The following GGT1 variants were observed in gnomAD, a reference collection of about 807,000 sequenced individuals.
GGT1 encodes glutathione hydrolase 1 proenzyme.
GGT1 carries 21 observed loss-of-function variants against 56.0 expected under a neutral mutation model. The ratio of observed to expected loss-of-function variants is 0.38; its 90% confidence interval spans 0.27 to 0.54. GGT1 has a LOEUF of 0.54. GGT1 is among the 20% of genes least tolerant of loss of function. The pLI is 0.82. For synonymous variants in GGT1, 238 were observed against 342.6 expected, an observed-to-expected ratio of 0.69 and a Z score of 3.37; for missense variants, 466 against 787.0, an observed-to-expected ratio of 0.59 and a Z score of 4.88.
intron 12 of GGT1, 32 bp from the exon 13 acceptor site, chr22:24,627,820 G>A (rs773943432): frequency 1.9e-5 from 31 of 1,601,204 alleles, no homozygotes; most frequent in Non-Finnish European, 2.4e-5. Context: ...GCCAGGCAAG[G>A]TCGGGCACTG....
intron 7 of GGT1, among the ~76,000 whole-genome samples, chr22:24,618,674 G>A (rs959324620): frequency 4.6e-5 from 7 of 152,218 alleles, no homozygotes; most frequent in African/African-American, 1.7e-4. Flanking sequence ...TGTGCTGGGT[G>A]TCAGACCTTC....
rs201478431 is a variant in GGT1 at position 24,612,236 on chromosome 22, G to A, written c.164+991G>A. On this transcript the variant is annotated intron_variant, in intron 5 of 15. Coordinates refer to ENST00000400382, the MANE Select transcript of GGT1 (RefSeq NM_001288833.2). Reference sequence around the variant, plus strand: ...ATTACAGGTGTGAGCCACCACGCCCGGCTTATTCTTTTTTTTTTTTTTTTT... The same window carrying A: ...ATTACAGGTGTGAGCCACCACGCCCAGCTTATTCTTTTTTTTTTTTTTTTT... 3.1e-4 allele frequency among the ~76,000 whole-genome samples: 45 copies of A among 145,546 alleles called. 1 individual carries two copies. In the East Asian group the frequency reaches 7.1e-3, roughly 23 times the overall value.
At chr22:24,588,551 A>T in the GGT1 span, 1 of 762,642 alleles carries the variant, frequency 1.3e-6, no homozygotes. Flanking sequence ...AGGCTGGTCC[A>T]GTCCCGCAGT....
At chr22:24,605,986 ATATTTATATAATT>A (rs2046269036) in intron 1 of GGT1, among the ~76,000 whole-genome samples, 1 of 64,074 alleles carries the variant, frequency 1.6e-5, no homozygotes, top group Non-Finnish European at 2.8e-5. Context: ...ATCATATATT[ATATTTATATAATT>A]TATATAATAT....
rs988155681 is a variant in GGT1 at position 24,628,638 on chromosome 22, G to A, written c.1564-55G>A. On this transcript the variant is annotated intron_variant, in intron 15 of 15. Transcript: ENST00000400382. The surrounding 1 kb of genome is among the most constrained non-coding windows in gnomAD (Gnocchi z 5.7). ...CTGAGGCCTGTGACCACACAGATGT[G>A]GTTCAGGTGGCATCTGGAGCCCTGC... 6.2e-7 allele frequency: 1 copy of A among 1,610,878 alleles called. No individual in the cohort carries two copies. Among genetic ancestry groups the A allele is most frequent in the Non-Finnish European group, 8.5e-7 (1 of 1,179,876 alleles).
At chr22:24,586,608 G>A in the GGT1 span, among the ~76,000 whole-genome samples, 1 of 152,330 alleles carries the variant, frequency 6.6e-6, no homozygotes, top group South Asian at 2.1e-4. Flanking sequence ...CTCGGCTTAC[G>A]GCAACCTCTG....
At position 24,620,904 on chromosome 22, in the gene GGT1, C is replaced by T; in HGVS notation, c.576-9C>T. Reference sequence around the variant, plus strand: ...ACCTGCTGCCTCACATGAGCCCCCTCTGCCCCAGTGAGGTGTTCTGCCGGG... The same window carrying T: ...ACCTGCTGCCTCACATGAGCCCCCTTTGCCCCAGTGAGGTGTTCTGCCGGG... On this transcript the variant is annotated splice_polypyrimidine_tract_variant and intron_variant, in intron 8 of 15. Transcript: ENST00000400382. The surrounding 1 kb of genome is among the most constrained non-coding windows in gnomAD (Gnocchi z 5.6). 1.2e-6 allele frequency: 2 copies of T among 1,611,728 alleles called. No individual in the cohort carries two copies. The highest frequency in any genetic ancestry group is 1.7e-6 in the Non-Finnish European group (2 of 1,179,724).
At chr22:24,593,959 G>A (rs1436474217), upstream of GGT1, among the ~76,000 whole-genome samples, 2 of 152,230 alleles carry the variant, frequency 1.3e-5, no homozygotes, top group Non-Finnish European at 2.9e-5. Flanking sequence ...CGGACGAAGA[G>A]TCAGGTTAAC....
At chr22:24,588,174 G>A in the GGT1 span, 1 of 1,482,870 alleles carries the variant, frequency 6.7e-7, no homozygotes, top group South Asian at 1.2e-5. Flanking sequence ...AGGGACCTTG[G>A]AGCAGCAGTG....
chr22:24,585,886 T>C, the GGT1 span: 7 of 1,577,138 alleles, frequency 4.4e-6, no homozygotes, highest in Non-Finnish European at 6.0e-6. Context: ...GGGTGGTGGG[T>C]CACCTGGCAC....
In GGT1 at chr22:24,605,124, TGTAATATATTATATAATATATA is replaced by T. The variant is rs2045983703; in HGVS notation, c.-429+1598_-429+1619del. 4.6e-5 allele frequency among the ~76,000 whole-genome samples: 4 copies of T among 87,514 alleles called. 1 individual carries two copies. The highest frequency in any genetic ancestry group is 1.9e-4 in the Admixed American group (1 of 5,148). 57.4% of individuals were successfully genotyped at this position (87,514 alleles called of 152,430 possible). A position where few individuals can be genotyped will look rare whatever the true frequency, so the allele number is the denominator to read the frequency against. On this transcript the variant is annotated intron_variant, in intron 1 of 15. Coordinates refer to ENST00000400382, the MANE Select transcript of GGT1 (RefSeq NM_001288833.2). ...GTATTATATTATATATTATATAATA[TGTAATATATTATATAATATATA>T]ATATGTATTATATTATATATTATAT...
chr22:24,594,177 T>TGCTGCAG (rs1487207627), upstream of GGT1, among the ~76,000 whole-genome samples: 1 of 152,194 alleles, frequency 6.6e-6, no homozygotes, highest in African/African-American at 2.4e-5. Flanking sequence ...CCTAGGTCTC[T>TGCTGCAG]GCTGCAGGCC....
At chr22:24,605,850 A>ATAT (rs1381983949) in intron 1 of GGT1, among the ~76,000 whole-genome samples, 1 of 46,384 alleles carries the variant, frequency 2.2e-5, no homozygotes, top group Non-Finnish European at 3.3e-5. Flanking sequence ...ATATTATATA[A>ATAT]TATATGATGT....
intron 7 of GGT1, among the ~76,000 whole-genome samples, chr22:24,619,725 C>T (rs2047293315): frequency 1.3e-5 from 2 of 151,928 alleles, no homozygotes; most frequent in South Asian, 4.2e-4. Context: ...TTGAAGGTGG[C>T]CTGTGCTTGA....
At chr22:24,597,699 A>G (rs994578153) in intron 1 of GGT1, among the ~76,000 whole-genome samples, 2 of 152,114 alleles carry the variant, frequency 1.3e-5, no homozygotes, top group Admixed American at 1.3e-4. Context: ...ACACACACAC[A>G]CACACACAAA....
intron 9 of GGT1, among the ~76,000 whole-genome samples, chr22:24,622,181 C>CA (rs1008132196): frequency 3.6e-5 from 1 of 27,860 alleles, no homozygotes. Context: ...AGTGAGTCTA[C>CA]AAAAAAAATA....
intron 6 of GGT1, 30 bp downstream of exon 6, chr22:24,614,936 G>A (rs1304975538): frequency 6.2e-7 from 1 of 1,610,604 alleles, no homozygotes; most frequent in South Asian, 1.1e-5. Flanking sequence ...AGAGGGAGAG[G>A]GGCAGGGGGT....
the GGT1 span, among the ~76,000 whole-genome samples, chr22:24,584,012 A>G: frequency 6.6e-6 from 1 of 152,244 alleles, no homozygotes; most frequent in East Asian, 1.9e-4. Context: ...GATTTAAATA[A>G]TAGATTGCTC....
intron 9 of GGT1, among the ~76,000 whole-genome samples, 168 bp from the exon 10 acceptor site, chr22:24,622,939 C>T (rs1170091195): frequency 1.3e-5 from 2 of 152,132 alleles, no homozygotes; most frequent in East Asian, 3.9e-4. Context: ...TCCCAGGGCA[C>T]AGTCCCACCC....
Sources: allele counts gnomAD v4.1 joint callset (sites outside exome capture counted in the v4.1 genomes callset), GRCh38; gene constraint gnomAD v4.1.1; non-coding constraint Gnocchi (gnomAD v3.1); transcripts MANE v1.5; gene names NCBI Gene and HGNC (gene_info 2026-07-23, HGNC 2026-07-21).